Variants in OPCML observed in about 807,000 individuals in gnomAD.
The protein encoded by OPCML is opioid binding protein/cell adhesion molecule like.
A neutral mutation model predicts 37.8 loss-of-function variants in OPCML; 13 were observed. The observed-to-expected ratio is 0.34, with a 90% CI of 0.22 to 0.55. OPCML has a LOEUF of 0.55. Among genes scored for constraint, OPCML ranks in the 20% least tolerant of loss-of-function variants. The pLI, the probability that OPCML is intolerant of heterozygous loss-of-function variation, is 0.91. For synonymous variants in OPCML, 176 were observed against 168.8 expected (o/e 1.04, Z -0.33); for missense variants, 341 against 435.6 (o/e 0.78, Z 1.93).
chr11:133,037,067 C>T (rs189216017), intron 1 of OPCML, among the ~76,000 whole-genome samples: 1 of 152,168 alleles, frequency 6.6e-6, no homozygotes, highest in South Asian at 2.1e-4. Context: ...TGGTCCCAAT[C>T]GAAAACATAC....
intron 1 of OPCML, chr11:133,006,482 G>A: frequency 9.1e-6 from 9 of 985,404 alleles, no homozygotes; most frequent in Non-Finnish European, 1.1e-5. Flanking sequence ...AAGAAAGAAA[G>A]TTTTATCTCC....
intron 1 of OPCML, among the ~76,000 whole-genome samples, chr11:133,381,423 A>C (rs529281482): frequency 6.6e-6 from 1 of 152,348 alleles, no homozygotes; most frequent in East Asian, 1.9e-4. Flanking sequence ...TTCAGCTTGG[A>C]GCAGAGTGTG....
At chr11:132,844,760 T>C (rs1277686879) in intron 2 of OPCML, among the ~76,000 whole-genome samples, 1 of 152,046 alleles carries the variant, frequency 6.6e-6, no homozygotes, top group African/African-American at 2.4e-5. Context: ...CAAATCTGTG[T>C]CCCTATGAAA....
chr11:132,599,489 A>G (rs1434283471), intron 3 of OPCML, among the ~76,000 whole-genome samples: 1 of 152,030 alleles, frequency 6.6e-6, no homozygotes, highest in African/African-American at 2.4e-5. Context: ...GGAAAGAAAA[A>G]GAGACAAAAC....
In OPCML at chr11:132,697,847, C is replaced by T. The variant is rs182901118; in HGVS notation, c.147-40528G>A. ...GTGGTGTAATCATGGCTTACTGCAG[C>T]CTTGTCCTCCGGGGCTCAAGTAATC... On this transcript the variant is annotated intron_variant, in intron 2 of 7. Transcript: ENST00000524381. 3.2e-3 allele frequency among the ~76,000 whole-genome samples: 493 copies of T among 152,124 alleles called. 4 individuals are homozygous for T. Among genetic ancestry groups the T allele is most frequent in the South Asian group, 0.021 (103 of 4,802 alleles).
At chr11:133,353,910 A>G (rs1017590394) in intron 1 of OPCML, among the ~76,000 whole-genome samples, 2 of 152,232 alleles carry the variant, frequency 1.3e-5, no homozygotes, top group African/African-American at 4.8e-5. Context: ...CATCAAAAAA[A>G]GAAAAAATAT....
intron 2 of OPCML, among the ~76,000 whole-genome samples, chr11:132,815,627 C>T (rs2136235059): frequency 6.6e-6 from 1 of 152,130 alleles, no homozygotes; most frequent in East Asian, 1.9e-4. Flanking sequence ...ATACAGAGTA[C>T]TCTTTCCAGT....
At chr11:132,993,334 G>C (rs548382592) in intron 1 of OPCML, among the ~76,000 whole-genome samples, 1 of 152,254 alleles carries the variant, frequency 6.6e-6, no homozygotes, top group South Asian at 2.1e-4. Context: ...CGCCCTTTCT[G>C]TCCTCGGGAG....
rs185299354 is a variant in OPCML, at chr11:132,988,202, G to C, written c.62-45192C>G. On this transcript the variant is annotated intron_variant, in intron 1 of 7. Transcript: ENST00000524381. ...CAGTATTCCAGTAAGCAGCCAGGCT[G>C]AGAGTTGACTCACTGGTCAAGGCTG... Among the ~76,000 whole-genome samples, 380 of 152,302 alleles carry C rather than the reference G, an allele frequency of 2.5e-3. 2 individuals carry two copies. Among genetic ancestry groups the C allele is most frequent in the African/African-American group, 8.8e-3 (366 of 41,562 alleles).
At chr11:132,819,720 G>A (rs1939859559) in intron 2 of OPCML, among the ~76,000 whole-genome samples, 1 of 152,152 alleles carries the variant, frequency 6.6e-6, no homozygotes, top group Non-Finnish European at 1.5e-5. Flanking sequence ...TGTAGGATGA[G>A]GGAGTTTTGC....
chr11:133,400,400 C>G (rs945416238), intron 1 of OPCML, among the ~76,000 whole-genome samples: 1 of 152,168 alleles, frequency 6.6e-6, no homozygotes, highest in African/African-American at 2.4e-5. Flanking sequence ...TTTTAAGGTG[C>G]TCTTTGCTCC....
At chr11:133,213,371 T>A (rs1360853789) in intron 1 of OPCML, among the ~76,000 whole-genome samples, 1 of 152,076 alleles carries the variant, frequency 6.6e-6, no homozygotes, top group Non-Finnish European at 1.5e-5. Flanking sequence ...ATACATAACC[T>A]CATTGCATAA....
intron 2 of OPCML, among the ~76,000 whole-genome samples, chr11:132,829,057 A>T (rs1940531224): frequency 6.6e-6 from 1 of 152,196 alleles, no homozygotes; most frequent in Non-Finnish European, 1.5e-5. Context: ...GATTACTCCA[A>T]CTCACACATT....
At chr11:133,410,707 C>G (rs964157700) in intron 1 of OPCML, among the ~76,000 whole-genome samples, 10 of 127,126 alleles carry the variant, frequency 7.9e-5, no homozygotes, top group African/African-American at 2.3e-4. Context: ...TTTGACGTTG[C>G]TGGGAGACAA....
At chr11:132,701,333 C>T (rs1943807093) in intron 2 of OPCML, among the ~76,000 whole-genome samples, 1 of 152,186 alleles carries the variant, frequency 6.6e-6, no homozygotes, top group Non-Finnish European at 1.5e-5. Flanking sequence ...ACCCTTGACA[C>T]ATGGGACTTA....
chr11:133,466,851 A>T (rs987217457), intron 1 of OPCML, among the ~76,000 whole-genome samples: 1 of 152,198 alleles, frequency 6.6e-6, no homozygotes, highest in African/African-American at 2.4e-5. Context: ...AGGCTCCCAA[A>T]GGAATGTCTC....
intron 2 of OPCML, among the ~76,000 whole-genome samples, chr11:132,660,036 A>G (rs1259205725): frequency 6.6e-6 from 1 of 152,230 alleles, no homozygotes; most frequent in Non-Finnish European, 1.5e-5. Flanking sequence ...AATGATCATT[A>G]CAAATATAAA....
chr11:132,764,622 TAGTA>T (rs1336745329), intron 2 of OPCML, among the ~76,000 whole-genome samples: 1 of 152,136 alleles, frequency 6.6e-6, no homozygotes, highest in Non-Finnish European at 1.5e-5. Context: ...ACCCAGCACA[TAGTA>T]AGAATTCAGG....
chr11:132,630,326 G>T (rs1293409808), intron 3 of OPCML, among the ~76,000 whole-genome samples: 1 of 152,208 alleles, frequency 6.6e-6, no homozygotes, highest in Non-Finnish European at 1.5e-5. Context: ...TTGGGAGGCT[G>T]AGGTGGGGCG....
Sources: allele counts gnomAD v4.1 joint callset (sites outside exome capture counted in the v4.1 genomes callset), GRCh38; gene constraint gnomAD v4.1.1; transcripts MANE v1.5; gene names NCBI Gene and HGNC (gene_info 2026-07-23, HGNC 2026-07-21).